The following FSHR variants were observed in gnomAD, a reference collection of about 807,000 sequenced individuals.
FSHR encodes follicle-stimulating hormone receptor.
FSHR carries 46 observed loss-of-function variants against 52.1 expected under a neutral mutation model. The observed-to-expected ratio is 0.88, with a 90% confidence interval of 0.70 to 1.13. The LOEUF is 1.13. Ranked by LOEUF, FSHR falls within the 50% of genes most tolerant of loss-of-function variation. The probability of loss-of-function intolerance (pLI) is 0.00; values close to 1 mark genes in which losing one functional copy is unlikely to be tolerated. For missense variants in FSHR, 964 were observed against 834.6 expected (o/e 1.16, Z -1.91); for synonymous variants, 399 against 309.6 (o/e 1.29, Z -3.03).
At chr2:49,118,390 G>A (rs947460608) in intron 1 of FSHR, among the ~76,000 whole-genome samples, 3 of 152,242 alleles carry the variant, frequency 2.0e-5, no homozygotes, top group African/African-American at 7.2e-5. Context: ...TCACAAAGGG[G>A]TGCCGGCACT....
intron 1 of FSHR, among the ~76,000 whole-genome samples, chr2:49,136,731 T>C (rs768536470): frequency 2.7e-4 from 41 of 152,276 alleles, no homozygotes; most frequent in African/African-American, 7.5e-4. Flanking sequence ...TCAATTAATG[T>C]AATATATTAC....
At chr2:49,014,838 G>GTC (rs748473791) in intron 4 of FSHR, 2 of 455,350 alleles carry the variant, frequency 4.4e-6, no homozygotes, top group African/African-American at 4.1e-5. Context: ...GAATGAAAGT[G>GTC]TCTCTGGGGA....
intron 2 of FSHR, among the ~76,000 whole-genome samples, chr2:49,065,187 A>G (rs886547978): frequency 6.6e-6 from 1 of 152,116 alleles, no homozygotes; most frequent in African/African-American, 2.4e-5. Flanking sequence ...AAGGGTTTTG[A>G]TTTCTGTGCC....
intron 1 of FSHR, among the ~76,000 whole-genome samples, chr2:49,072,491 A>G (rs577095287): frequency 1.3e-5 from 2 of 152,298 alleles, no homozygotes; most frequent in South Asian, 2.1e-4. Context: ...AAAGAAAAAT[A>G]GAATTGTGGA....
intron 1 of FSHR, among the ~76,000 whole-genome samples, chr2:49,100,569 C>G (rs1047885405): frequency 6.6e-6 from 1 of 152,134 alleles, no homozygotes; most frequent in Non-Finnish European, 1.5e-5. Context: ...ATCTTCCTAC[C>G]TGGATGAGAT....
intron 1 of FSHR, among the ~76,000 whole-genome samples, chr2:49,152,340 C>T (rs1053671914): frequency 1.9e-4 from 29 of 152,086 alleles, no homozygotes; most frequent in African/African-American, 7.0e-4. Flanking sequence ...GCTCTCTTTC[C>T]TTAGTTGCAA....
At position 48,988,978 on chromosome 2, in the gene FSHR, G is replaced by A. The variant is rs1675643684; in HGVS notation, c.523C>T (p.Leu175=). The A allele has an allele frequency of 6.2e-7, 1 of 1,612,746 alleles. No homozygotes were observed. The highest frequency in any genetic ancestry group is 1.7e-5 in the Admixed American group (1 of 59,996). ...TTGGATTTTTTCCCCCTTACTTACA[G>A]AATCACACTTTCAAAGCTCAGCCCC... ...FVGLSFESVI[L]WLNKNGIQEI... is the part of the protein sequence containing the mutation. Residue 175 remains leucine (L), a splice_region_variant and synonymous_variant, in exon 6 of 10, where the codon CTA becomes TTA. Transcript: ENST00000406846.
In FSHR at chr2:48,982,898, G is replaced by A; in HGVS notation, c.668+14C>T. Reference sequence around the variant, plus strand: ...ACTGAGCTCTTACACACAGAAATGGGGAAAGCTACTCACAGAATGACTGGT... The same window carrying A: ...ACTGAGCTCTTACACACAGAAATGGAGAAAGCTACTCACAGAATGACTGGT... On this transcript the variant is annotated intron_variant, in intron 8 of 9. Transcript: ENST00000406846. 1 of 1,606,114 alleles carries A rather than the reference G, an allele frequency of 6.2e-7. No homozygotes were observed.
chr2:49,055,032 C>G (rs1274376238), intron 2 of FSHR, among the ~76,000 whole-genome samples: 1 of 151,508 alleles, frequency 6.6e-6, no homozygotes, highest in Non-Finnish European at 1.5e-5. Flanking sequence ...AGTCACAGAC[C>G]CTAATTATAA....
chr2:49,121,726 G>A (rs1049522485), intron 1 of FSHR, among the ~76,000 whole-genome samples: 4 of 152,136 alleles, frequency 2.6e-5, no homozygotes, highest in Non-Finnish European at 5.9e-5. Flanking sequence ...CTCCAACATC[G>A]GAGTTTGTCA....
chr2:48,997,426 TGCA>T, intron 4 of FSHR: 1 of 981,640 alleles, frequency 1.0e-6, no homozygotes, highest in Non-Finnish European at 1.2e-6. Context: ...TCGGCTTGGC[TGCA>T]GATTCTGTTC....
At chr2:49,068,356 A>G (rs950020549) in intron 1 of FSHR, 66 bp from the exon 2 acceptor site, 3 of 1,313,046 alleles carry the variant, frequency 2.3e-6, no homozygotes, top group Non-Finnish European at 3.3e-6. Context: ...TTGCTAATGT[A>G]TTCATATCAG....
At chr2:48,976,054 G>C (rs1674973269) in intron 8 of FSHR, among the ~76,000 whole-genome samples, 1 of 152,164 alleles carries the variant, frequency 6.6e-6, no homozygotes, top group South Asian at 2.1e-4. Flanking sequence ...GGGCATCTTT[G>C]TCTTGTGCCA....
chr2:49,144,626 C>CCAGTG (rs1672805074), intron 1 of FSHR, among the ~76,000 whole-genome samples: 1 of 123,596 alleles, frequency 8.1e-6, no homozygotes, highest in South Asian at 2.6e-4. Context: ...GTTGCATTTT[C>CCAGTG]TAATGTCCTC....
intron 8 of FSHR, 125 bp downstream of exon 8, chr2:48,982,787 A>G: frequency 1.2e-6 from 1 of 826,450 alleles, no homozygotes; most frequent in East Asian, 2.6e-5. Flanking sequence ...TTTGCAGATG[A>G]CACGAATAAA....
At chr2:49,125,252 T>C (rs974182214) in intron 1 of FSHR, among the ~76,000 whole-genome samples, 18 of 152,148 alleles carry the variant, frequency 1.2e-4, no homozygotes, top group African/African-American at 3.4e-4. Context: ...TTGGATTGCA[T>C]TGGAACAAGA....
chr2:48,968,098 C>T (rs1356508192), intron 9 of FSHR, among the ~76,000 whole-genome samples: 2 of 152,188 alleles, frequency 1.3e-5, no homozygotes, highest in Non-Finnish European at 1.5e-5. Context: ...CAGTTAGCTA[C>T]TAAGACTTGT....
At chr2:49,061,697 TTA>T (rs1349296660) in intron 2 of FSHR, among the ~76,000 whole-genome samples, 3 of 140,352 alleles carry the variant, frequency 2.1e-5, no homozygotes, top group Admixed American at 7.3e-5. Context: ...ATATTTATAT[TTA>T]TATATATTAT....
chr2:49,102,897 G>C (rs1444764823), intron 1 of FSHR, among the ~76,000 whole-genome samples: 2 of 152,068 alleles, frequency 1.3e-5, no homozygotes, highest in Non-Finnish European at 2.9e-5. Context: ...AGGATGGAAA[G>C]GCATCCTTGA....
Sources: allele counts gnomAD v4.1 joint callset (sites outside exome capture counted in the v4.1 genomes callset), GRCh38; gene constraint gnomAD v4.1.1; transcripts MANE v1.5; gene names NCBI Gene and HGNC (gene_info 2026-07-23, HGNC 2026-07-21).